The following SKAP1 variants were observed in gnomAD, a reference collection of about 807,000 sequenced individuals.
SKAP1 encodes the protein src kinase associated phosphoprotein 1, also known as src kinase-associated phosphoprotein 1.
A neutral mutation model predicts 58.5 loss-of-function variants in SKAP1; 44 were observed. That is an observed-to-expected ratio of 0.75 (90% CI 0.59 to 0.97). SKAP1 has a LOEUF of 0.97. Among genes scored for constraint, SKAP1 ranks in the 50% least tolerant of loss-of-function variants. The pLI is 0.00. For missense variants in SKAP1, 390 were observed against 435.2 expected, an observed-to-expected ratio of 0.90 and a Z score of 0.92; for synonymous variants, 127 against 149.7, an observed-to-expected ratio of 0.85 and a Z score of 1.11.
intron 4 of SKAP1, among the ~76,000 whole-genome samples, chr17:48,301,361 G>A (rs2066053972): frequency 6.6e-6 from 1 of 152,062 alleles, no homozygotes; most frequent in African/African-American, 2.4e-5. Context: ...AAATTTTCAG[G>A]GAGATTCCCA....
chr17:48,227,224 G>A (rs2065079077), intron 4 of SKAP1, among the ~76,000 whole-genome samples: 1 of 152,154 alleles, frequency 6.6e-6, no homozygotes, highest in Admixed American at 6.5e-5. Context: ...AAAATTAAGA[G>A]TTTCCAGAAA....
chr17:48,329,363 G>A (rs1178186765), intron 4 of SKAP1, among the ~76,000 whole-genome samples: 5 of 152,140 alleles, frequency 3.3e-5, no homozygotes, highest in East Asian at 1.9e-4. Flanking sequence ...AAGTAACTCC[G>A]GAGTCTCTGT....
chr17:48,396,934 A>G lies in SKAP1; in HGVS notation c.47-149T>C, dbSNP rs555499840. On this transcript the variant is annotated intron_variant, in intron 1 of 12. Transcript: ENST00000336915. ...CTAAAACTTAAAGTATAATAAAAAAAAAAAAACTTTATAGTTGTGGCACAA... is the reference window on the plus strand; with the variant it reads ...CTAAAACTTAAAGTATAATAAAAAAGAAAAAACTTTATAGTTGTGGCACAA... The G allele has an allele frequency of 1.4e-4, 64 of 463,830 alleles. 2 individuals are homozygous for G. The South Asian group carries it at 2.0e-3, about 14-fold the overall frequency. 28.7% of individuals were successfully genotyped at this position (463,830 alleles called of 1,614,324 possible).
chr17:48,412,047 C>T (rs1026892139), intron 1 of SKAP1, among the ~76,000 whole-genome samples: 2 of 152,142 alleles, frequency 1.3e-5, no homozygotes, highest in Admixed American at 6.5e-5. Context: ...ATCTGAAATG[C>T]TCACAATAAG....
At chr17:48,361,204 T>G (rs903718811) in intron 3 of SKAP1, among the ~76,000 whole-genome samples, 2 of 151,800 alleles carry the variant, frequency 1.3e-5, no homozygotes, top group Non-Finnish European at 1.5e-5. Flanking sequence ...TGCCTTGGTT[T>G]TTTTTTTTTT....
intron 4 of SKAP1, among the ~76,000 whole-genome samples, chr17:48,245,089 T>A (rs2065281045): frequency 6.6e-6 from 1 of 152,136 alleles, no homozygotes; most frequent in Non-Finnish European, 1.5e-5. Flanking sequence ...TGGGGAACAG[T>A]TTTACACTTG....
At chr17:48,186,918 A>T (rs897870026) in intron 6 of SKAP1, among the ~76,000 whole-genome samples, 1 of 152,216 alleles carries the variant, frequency 6.6e-6, no homozygotes, top group African/African-American at 2.4e-5. Flanking sequence ...AATGATTGCA[A>T]GGAAAAAGAA....
chr17:48,234,107 T>C (rs2065155302), intron 4 of SKAP1, among the ~76,000 whole-genome samples: 1 of 152,224 alleles, frequency 6.6e-6, no homozygotes, highest in South Asian at 2.1e-4. Context: ...ATGCCTTTCC[T>C]CTTAAGAGCT....
intron 2 of SKAP1, among the ~76,000 whole-genome samples, chr17:48,367,349 G>A (rs2067017647): frequency 1.3e-5 from 2 of 151,746 alleles, no homozygotes; most frequent in African/African-American, 4.8e-5. Flanking sequence ...AGGATCTAAT[G>A]TACAGCATGG....
At chr17:48,338,660 T>A (rs17623154) in intron 4 of SKAP1, among the ~76,000 whole-genome samples, 32,175 of 152,032 alleles carry the variant, frequency 0.21, 3,417 homozygotes, top group Admixed American at 0.22. Context: ...CTTTACTGGG[T>A]ACTGGATGAA....
chr17:48,150,446 A>T (rs949424928), intron 11 of SKAP1, among the ~76,000 whole-genome samples: 8 of 152,200 alleles, frequency 5.3e-5, no homozygotes, highest in African/African-American at 1.7e-4. Flanking sequence ...CCTTGGTTAC[A>T]ATGTTTCAAA....
intron 4 of SKAP1, among the ~76,000 whole-genome samples, chr17:48,334,820 T>A (rs1204493050): frequency 6.6e-6 from 1 of 151,832 alleles, no homozygotes; most frequent in African/African-American, 2.4e-5. Context: ...CATAGGAATG[T>A]TAATACTAAA....
At chr17:48,207,791 A>C (rs1424746148) in intron 4 of SKAP1, among the ~76,000 whole-genome samples, 1 of 152,208 alleles carries the variant, frequency 6.6e-6, no homozygotes, top group Admixed American at 6.5e-5. Context: ...TGCAATTTAC[A>C]AAGTATTATT....
chr17:48,336,634 T>A (rs1299004345), intron 4 of SKAP1, among the ~76,000 whole-genome samples: 1 of 152,044 alleles, frequency 6.6e-6, no homozygotes, highest in African/African-American at 2.4e-5. Flanking sequence ...AAATTAGGAA[T>A]AATAGTTGGG....
At chr17:48,418,098 G>A (rs561243671) in intron 1 of SKAP1, among the ~76,000 whole-genome samples, 14 of 152,142 alleles carry the variant, frequency 9.2e-5, no homozygotes, top group African/African-American at 2.9e-4. Flanking sequence ...GACCAGACTG[G>A]ACAATACAGC....
At chr17:48,159,057 C>T (rs1219793784) in intron 11 of SKAP1, among the ~76,000 whole-genome samples, 2 of 152,078 alleles carry the variant, frequency 1.3e-5, no homozygotes, top group Middle Eastern at 3.2e-3. Flanking sequence ...ATCTCACCTC[C>T]CCTTCTAGAT....
chr17:48,386,665 C>T (rs762438878), intron 2 of SKAP1, among the ~76,000 whole-genome samples: 3 of 152,170 alleles, frequency 2.0e-5, no homozygotes, highest in African/African-American at 7.2e-5. Context: ...AATCTTTCTT[C>T]CTTTCCTTGC....
At chr17:48,272,059 G>C (rs558134160) in intron 4 of SKAP1, among the ~76,000 whole-genome samples, 27 of 151,948 alleles carry the variant, frequency 1.8e-4, no homozygotes, top group Non-Finnish European at 3.1e-4. Flanking sequence ...TATGTACTTC[G>C]GCTATTTAAT....
At chr17:48,413,042 T>A (rs538204648) in intron 1 of SKAP1, among the ~76,000 whole-genome samples, 1 of 148,278 alleles carries the variant, frequency 6.7e-6, no homozygotes, top group Admixed American at 6.8e-5. Flanking sequence ...ACTTACTAGA[T>A]GAATAAGCAT....
Sources: allele counts gnomAD v4.1 joint callset (sites outside exome capture counted in the v4.1 genomes callset), GRCh38; gene constraint gnomAD v4.1.1; transcripts MANE v1.5; gene names NCBI Gene and HGNC (gene_info 2026-07-23, HGNC 2026-07-21).